Variants in MGMT observed in about 807,000 individuals in gnomAD.
The protein encoded by MGMT is O-6-methylguanine-DNA methyltransferase.
Under a neutral mutation model 15.9 loss-of-function variants are expected in MGMT, and 14 were observed. The observed-to-expected ratio is 0.88, with a 90% CI of 0.58 to 1.37. The LOEUF (loss-of-function observed/expected upper bound fraction) is 1.37, where lower values mean the gene tolerates loss of function less well. MGMT is among the 40% of genes most tolerant of loss of function. The pLI is 0.00. For synonymous variants in MGMT, 130 were observed against 118.2 expected (o/e 1.10, Z -0.65); for missense variants, 282 against 268.1 (o/e 1.05, Z -0.36).
chr10:129,512,198 T>G (rs1008946006), intron 1 of MGMT, among the ~76,000 whole-genome samples: 3 of 152,138 alleles, frequency 2.0e-5, no homozygotes, highest in African/African-American at 7.2e-5. Flanking sequence ...TTGACCTGAG[T>G]TGTCATTCCC....
chr10:129,490,751 A>T (rs990467945), intron 1 of MGMT, among the ~76,000 whole-genome samples: 3 of 151,986 alleles, frequency 2.0e-5, no homozygotes, highest in Non-Finnish European at 2.9e-5. Flanking sequence ...TATTTGTCCC[A>T]TCTTTATTTG....
chr10:129,471,705 A>G (rs1288007072), intron 1 of MGMT, among the ~76,000 whole-genome samples: 2 of 152,170 alleles, frequency 1.3e-5, no homozygotes, highest in Non-Finnish European at 2.9e-5. Context: ...TGGGAGACCT[A>G]CAGGACCAGA....
chr10:129,525,577 A>C (rs1296353300), intron 1 of MGMT, among the ~76,000 whole-genome samples: 2 of 152,098 alleles, frequency 1.3e-5, no homozygotes, highest in Non-Finnish European at 2.9e-5. Flanking sequence ...TTGTTGTTAG[A>C]GTATTCTTTA....
intron 1 of MGMT, among the ~76,000 whole-genome samples, chr10:129,484,056 T>G (rs1369602036): frequency 1.3e-5 from 2 of 152,222 alleles, no homozygotes; most frequent in African/African-American, 4.8e-5. Flanking sequence ...AACTGAGACC[T>G]GTCATACAAG....
chr10:129,493,130 G>A (rs1324369073), intron 1 of MGMT, among the ~76,000 whole-genome samples: 2 of 152,132 alleles, frequency 1.3e-5, no homozygotes, highest in Non-Finnish European at 2.9e-5. Flanking sequence ...TATATGGGCT[G>A]AGCCTGATCT....
At chr10:129,633,337 A>G (rs1847231935) in intron 2 of MGMT, among the ~76,000 whole-genome samples, 1 of 152,210 alleles carries the variant, frequency 6.6e-6, no homozygotes, top group South Asian at 2.1e-4. Flanking sequence ...TCTAATGCCT[A>G]TGAGACTGCG....
intron 3 of MGMT, among the ~76,000 whole-genome samples, chr10:129,730,159 C>T (rs777652859): frequency 2.0e-5 from 3 of 152,202 alleles, no homozygotes; most frequent in Middle Eastern, 3.4e-3. Context: ...GAGGGGCAGC[C>T]TACATACTTA....
intron 1 of MGMT, among the ~76,000 whole-genome samples, chr10:129,484,478 A>G (rs1482506351): frequency 1.3e-5 from 2 of 152,056 alleles, no homozygotes; most frequent in Non-Finnish European, 2.9e-5. Flanking sequence ...AATATCTTCT[A>G]TTTCTCATGT....
At chr10:129,575,382 A>C (rs1846468265) in intron 2 of MGMT, among the ~76,000 whole-genome samples, 1 of 151,800 alleles carries the variant, frequency 6.6e-6, no homozygotes, top group Admixed American at 6.6e-5. Context: ...TAAGAATCTC[A>C]CTCAAAACCG....
chr10:129,561,779 A>G (rs1846281866), intron 2 of MGMT, among the ~76,000 whole-genome samples: 1 of 152,206 alleles, frequency 6.6e-6, no homozygotes, highest in African/African-American at 2.4e-5. Context: ...TTTGTGCTAC[A>G]TTGACCAGGT....
chr10:129,536,555 T>G (rs1436327519), intron 2 of MGMT, 178 bp downstream of exon 2: 1 of 705,380 alleles, frequency 1.4e-6, no homozygotes, highest in Non-Finnish European at 2.2e-6. Context: ...ATTTGCAGCT[T>G]CCCTGTGTGT....
intron 2 of MGMT, among the ~76,000 whole-genome samples, chr10:129,604,444 T>A (rs1000801164): frequency 6.6e-6 from 1 of 152,248 alleles, no homozygotes; most frequent in East Asian, 1.9e-4. Flanking sequence ...CAGAGGACTT[T>A]ACTTACAGAA....
At chr10:129,660,977 T>G (rs1847590816) in intron 2 of MGMT, among the ~76,000 whole-genome samples, 1 of 152,226 alleles carries the variant, frequency 6.6e-6, no homozygotes, top group African/African-American at 2.4e-5. Context: ...AAAATCCTCT[T>G]TCCAGAAGCA....
At chr10:129,600,681 C>G (rs1464132774) in intron 2 of MGMT, among the ~76,000 whole-genome samples, 2 of 152,130 alleles carry the variant, frequency 1.3e-5, no homozygotes, top group Non-Finnish European at 2.9e-5. Context: ...CCTCTTAGCA[C>G]CCCCATAGGC....
intron 2 of MGMT, among the ~76,000 whole-genome samples, chr10:129,646,750 A>AT (rs1335109530): frequency 1.3e-5 from 1 of 75,894 alleles, no homozygotes; most frequent in African/African-American, 4.9e-5. Context: ...ATATATATAT[A>AT]TATATTTTCA....
intron 2 of MGMT, among the ~76,000 whole-genome samples, chr10:129,611,128 T>A (rs506274): frequency 0.42 from 64,585 of 152,076 alleles, 14,549 homozygotes; most frequent in East Asian, 0.63. Flanking sequence ...TAGACTCAGA[T>A]GCAGAATTGT....
intron 3 of MGMT, among the ~76,000 whole-genome samples, chr10:129,711,967 G>A (rs1848238048): frequency 6.6e-6 from 1 of 152,118 alleles, no homozygotes; most frequent in African/African-American, 2.4e-5. Context: ...TTTATATAAT[G>A]TGCCTTCTGG....
chr10:129,758,796 G>A (rs924036808), intron 3 of MGMT, among the ~76,000 whole-genome samples: 1 of 152,160 alleles, frequency 6.6e-6, no homozygotes, highest in Non-Finnish European at 1.5e-5. Flanking sequence ...TGTCCCAGTT[G>A]AAGTTGGAAA....
At chr10:129,686,486 T>A (rs1847905777) in intron 2 of MGMT, among the ~76,000 whole-genome samples, 1 of 152,144 alleles carries the variant, frequency 6.6e-6, no homozygotes, top group Non-Finnish European at 1.5e-5. Context: ...GGGATTCCCC[T>A]ACCTTAGCCT....
Sources: allele counts gnomAD v4.1 joint callset (sites outside exome capture counted in the v4.1 genomes callset), GRCh38; gene constraint gnomAD v4.1.1; transcripts MANE v1.5; gene names NCBI Gene and HGNC (gene_info 2026-07-23, HGNC 2026-07-21).